ADAMTS17: variants seen among roughly 807,000 people sequenced by gnomAD.
The protein encoded by ADAMTS17 is ADAM metallopeptidase with thrombospondin type 1 motif 17.
A neutral mutation model predicts 141.5 loss-of-function variants in ADAMTS17; 113 were observed. The ratio of observed to expected loss-of-function variants is 0.80; its 90% CI spans 0.69 to 0.93. The LOEUF is 0.93. Among genes scored for constraint, ADAMTS17 ranks in the 40% least tolerant of loss-of-function variants. ADAMTS17 has a pLI of 0.00. For missense variants in ADAMTS17, 1,659 were observed against 1,517.9 expected (o/e 1.09, Z -1.54); for synonymous variants, 768 against 630.6 (o/e 1.22, Z -3.27).
At chr15:100,003,148 G>A (rs2060963893) in intron 18 of ADAMTS17, among the ~76,000 whole-genome samples, 1 of 152,016 alleles carries the variant, frequency 6.6e-6, no homozygotes, top group Non-Finnish European at 1.5e-5. Flanking sequence ...GGGGGACCTC[G>A]AGTCTCCCCA....
chr15:99,994,468 A>AAC (rs71151929), intron 19 of ADAMTS17, among the ~76,000 whole-genome samples: 1 of 151,528 alleles, frequency 6.6e-6, no homozygotes, highest in African/African-American at 2.4e-5. Context: ...AAAAAAAAAA[A>AAC]TCCCACTGTG....
Position 100,054,048 on chromosome 15 carries a change from T to C in ADAMTS17, c.2144A>G (p.Lys715Arg). Residue 715 changes from lysine (K) to arginine (R), a missense_variant, in exon 16 of 22, where the codon AAA becomes AGA. Coordinates refer to ENST00000268070, the MANE Select transcript of ADAMTS17 (RefSeq NM_139057.4). ...DFSHARGTALKDSGKGSINSD... is the reference protein window; with the variant it reads ...DFSHARGTALRDSGKGSINSD... ...GTTGATGGACCCCTTACCCGAGTCTTTGAGAGCTAGAAAGCAAGTTGAAGA... is the reference window on the plus strand; with the variant it reads ...GTTGATGGACCCCTTACCCGAGTCTCTGAGAGCTAGAAAGCAAGTTGAAGA... The C allele has an allele frequency of 6.2e-7, 1 of 1,614,098 alleles. No individual in the cohort carries two copies. The highest frequency in any genetic ancestry group is 8.5e-7 in the Non-Finnish European group (1 of 1,180,018).
chr15:100,089,558 A>G (rs1307849122), intron 15 of ADAMTS17, among the ~76,000 whole-genome samples: 4 of 151,738 alleles, frequency 2.6e-5, no homozygotes, highest in Non-Finnish European at 2.9e-5. Context: ...CACTATTCAC[A>G]ATAGCAAAGA....
At chr15:100,026,517 T>C (rs907412654) in intron 18 of ADAMTS17, among the ~76,000 whole-genome samples, 6 of 152,244 alleles carry the variant, frequency 3.9e-5, no homozygotes, top group Non-Finnish European at 5.9e-5. Context: ...TTCCAATTTA[T>C]CTACTGTTGC....
At chr15:100,024,135 C>T (rs2061459061) in intron 18 of ADAMTS17, among the ~76,000 whole-genome samples, 1 of 152,066 alleles carries the variant, frequency 6.6e-6, no homozygotes, top group South Asian at 2.1e-4. Flanking sequence ...GCTCTGTCAC[C>T]CAGGCTGGAG....
intron 15 of ADAMTS17, among the ~76,000 whole-genome samples, chr15:100,079,443 G>A (rs921651387): frequency 2.0e-5 from 3 of 152,206 alleles, no homozygotes; most frequent in Admixed American, 6.5e-5. Context: ...AGCCTGTCAG[G>A]AAGGACCACG....
chr15:100,152,431 A>T (rs913786233), intron 10 of ADAMTS17, among the ~76,000 whole-genome samples, 181 bp downstream of exon 10: 4 of 151,982 alleles, frequency 2.6e-5, no homozygotes, highest in Non-Finnish European at 5.9e-5. Flanking sequence ...TGCCTGTGAG[A>T]GTGTGTTTAT....
intron 7 of ADAMTS17, among the ~76,000 whole-genome samples, chr15:100,202,557 T>C (rs555234202): frequency 6.6e-6 from 1 of 152,292 alleles, no homozygotes; most frequent in East Asian, 1.9e-4. Flanking sequence ...CCCAGGTTGT[T>C]GTAAAATAAG....
intron 13 of ADAMTS17, among the ~76,000 whole-genome samples, chr15:100,116,624 C>A (rs573049289): frequency 1.3e-5 from 2 of 152,222 alleles, no homozygotes; most frequent in Non-Finnish European, 2.9e-5. Context: ...ACCTGGCCTG[C>A]TGCCTGCTTC....
At chr15:100,264,201 T>A (rs992301365) in intron 4 of ADAMTS17, among the ~76,000 whole-genome samples, 2 of 152,174 alleles carry the variant, frequency 1.3e-5, no homozygotes, top group South Asian at 2.1e-4. Context: ...TACTGGACCA[T>A]CCACAAGCCA....
At chr15:100,099,900 A>C (rs11247151) in intron 14 of ADAMTS17, among the ~76,000 whole-genome samples, 70,191 of 151,930 alleles carry the variant, frequency 0.46, 16,643 homozygotes, top group African/African-American at 0.58. Context: ...GACAGTGGCA[A>C]ATGTCCATCT....
intron 3 of ADAMTS17, among the ~76,000 whole-genome samples, chr15:100,307,038 T>C (rs962370337): frequency 2.6e-5 from 4 of 152,160 alleles, no homozygotes; most frequent in South Asian, 2.1e-4. Flanking sequence ...ATCCCAAAAG[T>C]CTGGGTTCAG....
intron 10 of ADAMTS17, among the ~76,000 whole-genome samples, chr15:100,136,679 A>G (rs2038350842): frequency 6.6e-6 from 1 of 152,236 alleles, no homozygotes; most frequent in South Asian, 2.1e-4. Flanking sequence ...GGTTAGAAGC[A>G]CAAGACTCAT....
At chr15:100,338,761 A>G (rs2046280130) in intron 2 of ADAMTS17, among the ~76,000 whole-genome samples, 1 of 152,142 alleles carries the variant, frequency 6.6e-6, no homozygotes. Flanking sequence ...ACACACACAC[A>G]CAACTCCACA....
At chr15:99,978,988 C>T (rs773320232) in intron 20 of ADAMTS17, 1 of 152,240 alleles carries the variant, frequency 6.6e-6, no homozygotes, top group Non-Finnish European at 1.5e-5. Context: ...TCTGCACACA[C>T]AAATATGTAT....
chr15:100,192,672 C>T (rs1391154085), intron 8 of ADAMTS17, among the ~76,000 whole-genome samples: 2 of 152,198 alleles, frequency 1.3e-5, no homozygotes, highest in African/African-American at 2.4e-5. Context: ...GTCCTGGGTC[C>T]ATTCCGTGTC....
chr15:100,340,281 G>T (rs748343739), intron 2 of ADAMTS17, among the ~76,000 whole-genome samples: 1 of 152,214 alleles, frequency 6.6e-6, no homozygotes, highest in Non-Finnish European at 1.5e-5. Flanking sequence ...CCCCCTGGGA[G>T]CACCTGTTCC....
intron 8 of ADAMTS17, among the ~76,000 whole-genome samples, chr15:100,156,792 CT>C (rs911792571): frequency 6.6e-6 from 1 of 152,200 alleles, no homozygotes; most frequent in African/African-American, 2.4e-5. Context: ...CTTCACAAGT[CT>C]TTTACAATCC....
chr15:100,327,094 T>A (rs980250446), intron 3 of ADAMTS17, among the ~76,000 whole-genome samples: 2 of 152,230 alleles, frequency 1.3e-5, no homozygotes, highest in African/African-American at 4.8e-5. Context: ...GGCGATGACC[T>A]TGAGCAGTAG....
Sources: gnomAD v4.1 joint callset for allele counts (sites outside exome capture counted in the v4.1 genomes callset) on GRCh38, gnomAD v4.1.1 for gene constraint, MANE v1.5 for transcripts, NCBI Gene and HGNC (gene_info 2026-07-23, HGNC 2026-07-21) for gene names.